Variants in LPIN1 observed in about 807,000 individuals in gnomAD.
LPIN1 encodes lipin 1.
Under a neutral mutation model 107.5 loss-of-function variants are expected in LPIN1, and 71 were observed. That is an observed-to-expected ratio of 0.66 (90% CI 0.55 to 0.80). The LOEUF is 0.80. Among genes scored for constraint, LPIN1 ranks in the 30% least tolerant of loss-of-function variants. LPIN1 has a pLI of 0.00. For synonymous variants in LPIN1, 445 were observed against 452.6 expected (o/e 0.98, Z 0.21); for missense variants, 1,043 against 1,160.6 (o/e 0.90, Z 1.47).
intron 17 of LPIN1, among the ~76,000 whole-genome samples, chr2:11,809,272 A>T (rs1489642516): frequency 6.6e-6 from 1 of 152,168 alleles, no homozygotes; most frequent in Non-Finnish European, 1.5e-5. Context: ...TTTTATATTC[A>T]TGTAACCAGA....
At chr2:11,719,303 G>A (rs1663961766) in intron 2 of LPIN1, among the ~76,000 whole-genome samples, 1 of 152,120 alleles carries the variant, frequency 6.6e-6, no homozygotes, top group South Asian at 2.1e-4. Context: ...AGCATGAACA[G>A]GATAAAAAGC....
chr2:11,680,218 A>G (rs1005215720), intron 1 of LPIN1, among the ~76,000 whole-genome samples: 2 of 151,912 alleles, frequency 1.3e-5, no homozygotes, highest in Admixed American at 6.6e-5. Context: ...GAAGCGTAAA[A>G]GTGGCTCAGC....
intron 20 of LPIN1, 66 bp from the exon 21 acceptor site, chr2:11,824,566 T>C: frequency 6.4e-7 from 1 of 1,558,508 alleles, no homozygotes; most frequent in Admixed American, 1.7e-5. Context: ...TCTTGACTTC[T>C]ACGTGCAGCC....
intron 18 of LPIN1, chr2:11,818,943 T>C (rs1377683560): frequency 1.3e-5 from 2 of 152,468 alleles, no homozygotes; most frequent in African/African-American, 4.8e-5. Context: ...TTTTCTCTTT[T>C]AACCTGATAA....
chr2:11,795,776 T>A (rs1453673194), intron 14 of LPIN1, among the ~76,000 whole-genome samples: 2 of 152,220 alleles, frequency 1.3e-5, no homozygotes, highest in Non-Finnish European at 2.9e-5. Flanking sequence ...ACACAGATGA[T>A]GATGATGACA....
intron 1 of LPIN1, among the ~76,000 whole-genome samples, chr2:11,684,685 A>C (rs1319722857): frequency 1.3e-5 from 2 of 152,162 alleles, no homozygotes; most frequent in Admixed American, 1.3e-4. Context: ...TATTTTGGGG[A>C]GGTTAAAGTA....
chr2:11,826,215 A>AG lies in LPIN1; in HGVS notation c.*1424_*1425insG, dbSNP rs1256154803. 1 of 152,652 alleles carries AG rather than the reference A, an allele frequency of 6.6e-6. No homozygotes were observed. Among genetic ancestry groups the AG allele is most frequent in the African/African-American group, 2.4e-5 (1 of 41,464 alleles). 9.5% of individuals were successfully genotyped at this position (152,652 alleles called of 1,614,324 possible). A position where few individuals can be genotyped will look rare whatever the true frequency, so the allele number is the denominator to read the frequency against. On this transcript the variant is annotated 3_prime_UTR_variant, in exon 21 of 21. Transcript: ENST00000674199. ...TTGTTAGAATCACAGGAGGCAAAAA[A>AG]TGGAACGGTTGAATGAAATTTTACT...
chr2:11,686,706 G>T (rs185550905), intron 1 of LPIN1, among the ~76,000 whole-genome samples: 1 of 152,264 alleles, frequency 6.6e-6, no homozygotes, highest in Non-Finnish European at 1.5e-5. Context: ...TTCCGAGGGG[G>T]TCTGACGCTC....
chr2:11,804,361 A>G (rs997555623), intron 15 of LPIN1, 62 bp from the exon 16 acceptor site: 3 of 1,590,606 alleles, frequency 1.9e-6, no homozygotes, highest in Non-Finnish European at 8.6e-7. Flanking sequence ...ACAGAAGCCA[A>G]ATGCCCATCA....
intron 1 of LPIN1, among the ~76,000 whole-genome samples, chr2:11,728,523 C>T (rs1341759804): frequency 6.6e-6 from 1 of 152,000 alleles, no homozygotes; most frequent in Admixed American, 6.6e-5. Flanking sequence ...TAGCTGGGAC[C>T]ACAGATGCAT....
chr2:11,696,842 C>A (rs1157940311), intron 1 of LPIN1, among the ~76,000 whole-genome samples: 1 of 152,252 alleles, frequency 6.6e-6, no homozygotes, highest in Non-Finnish European at 1.5e-5. Flanking sequence ...CTTTCCCCAC[C>A]ACGTGGGTCT....
Position 11,804,655 on chromosome 2 carries a change from C to G in LPIN1, c.2162+84C>G, listed in dbSNP as rs116650727. On this transcript the variant is annotated intron_variant, in intron 16 of 20. Coordinates refer to ENST00000674199, the MANE Select transcript of LPIN1 (RefSeq NM_001349206.2). Reference sequence around the variant, plus strand: ...TGGGCCTGGTGTTGGCACCTCTGCTCTCCTCATGGGACTTGCACGGTTCGA... The same window carrying G: ...TGGGCCTGGTGTTGGCACCTCTGCTGTCCTCATGGGACTTGCACGGTTCGA... 3.8e-4 allele frequency: 544 copies of G among 1,425,898 alleles called. 1 individual carries two copies. In the African/African-American group the frequency reaches 7.0e-3, roughly 18 times the overall value. The allele number at this position is 1,425,898 out of a possible 1,614,324, so 88.3% of individuals were successfully genotyped here.
intron 3 of LPIN1, among the ~76,000 whole-genome samples, chr2:11,770,748 C>G (rs1389999371): frequency 6.6e-6 from 1 of 152,178 alleles, no homozygotes; most frequent in Non-Finnish European, 1.5e-5. Flanking sequence ...CAAACAACTA[C>G]TAAATGGACA....
chr2:11,696,552 G>A (rs1662589730), intron 1 of LPIN1, among the ~76,000 whole-genome samples: 1 of 152,158 alleles, frequency 6.6e-6, no homozygotes, highest in Admixed American at 6.5e-5. Flanking sequence ...GCCTGGGTTT[G>A]GCCAGAGAAT....
chr2:11,768,133 A>G (rs1671234974), intron 3 of LPIN1, among the ~76,000 whole-genome samples: 1 of 152,332 alleles, frequency 6.6e-6, no homozygotes, highest in African/African-American at 2.4e-5. Context: ...GGCCTGGACC[A>G]CTGTCAGAGG....
upstream of LPIN1, among the ~76,000 whole-genome samples, chr2:11,744,453 C>G (rs976698317): frequency 6.6e-6 from 1 of 152,220 alleles, no homozygotes; most frequent in East Asian, 1.9e-4. Context: ...CCCCCCAACC[C>G]TTGGCCTTCC....
rs143869510 is a variant in LPIN1, at chr2:11,774,948, G to T, written c.723-1138G>T. Among the ~76,000 whole-genome samples, 1,645 of 146,664 alleles carry T rather than the reference G, an allele frequency of 0.011. 15 individuals are homozygous for T. Among genetic ancestry groups the T allele is most frequent in the Non-Finnish European group, 0.016 (1,046 of 67,334 alleles). On this transcript the variant is annotated intron_variant, in intron 5 of 20. Transcript: ENST00000674199. The surrounding 1 kb of genome is among the most constrained non-coding windows in gnomAD (Gnocchi z 4.4). ...ATATGTAATTTTAAGATTTCCAGTA[G>T]CCCTATTTTTAAAAAGTAAAAAAAA...
chr2:11,772,385 C>G (rs1412148838), intron 4 of LPIN1, among the ~76,000 whole-genome samples: 1 of 152,194 alleles, frequency 6.6e-6, no homozygotes, highest in East Asian at 1.9e-4. Flanking sequence ...TTGGTGATGC[C>G]AAACCTCCTT....
chr2:11,758,378 G>A (rs1266553509), intron 1 of LPIN1, among the ~76,000 whole-genome samples: 5 of 151,870 alleles, frequency 3.3e-5, no homozygotes, highest in Admixed American at 1.3e-4. Context: ...TTACATTCCC[G>A]CCAACAGTGG....
Sources: allele counts gnomAD v4.1 joint callset (sites outside exome capture counted in the v4.1 genomes callset), GRCh38; gene constraint gnomAD v4.1.1; non-coding constraint Gnocchi (gnomAD v3.1); transcripts MANE v1.5; gene names NCBI Gene and HGNC (gene_info 2026-07-23, HGNC 2026-07-21).